The following ST6GAL1 variants were observed in gnomAD, a reference collection of about 807,000 sequenced individuals.
ST6GAL1 encodes beta-galactoside alpha-2,6-sialyltransferase 1.
ST6GAL1 carries 20 observed loss-of-function variants against 38.0 expected under a neutral mutation model. The observed-to-expected ratio is 0.53, with a 90% CI of 0.37 to 0.77. The LOEUF (loss-of-function observed/expected upper bound fraction) is 0.77, where lower values mean the gene tolerates loss of function less well. ST6GAL1 is among the 30% of genes least tolerant of loss of function. ST6GAL1 has a pLI of 0.00. For missense variants in ST6GAL1, 432 were observed against 496.4 expected, an observed-to-expected ratio of 0.87 and a Z score of 1.23; for synonymous variants, 196 against 188.2, an observed-to-expected ratio of 1.04 and a Z score of -0.34.
intron 5 of ST6GAL1, among the ~76,000 whole-genome samples, chr3:187,066,496 A>T (rs766842658): frequency 1.3e-5 from 2 of 152,118 alleles, no homozygotes; most frequent in Non-Finnish European, 2.9e-5. Context: ...TCAACATAGG[A>T]ATTCTGGGGG....
At chr3:186,993,081 G>T (rs1380559354) in intron 2 of ST6GAL1, among the ~76,000 whole-genome samples, 1 of 152,118 alleles carries the variant, frequency 6.6e-6, no homozygotes, top group African/African-American at 2.4e-5. Flanking sequence ...ATAGCTGTGG[G>T]CTGCAACTCT....
In ST6GAL1 at chr3:186,937,966, C is replaced by T. The variant is rs549084158; in HGVS notation, c.-325+7132C>T. ...GCGGGTGCCTATAATCCCAGTTACT[C>T]AGGAGGCTGAGGTGGGAGAATTGCT... On this transcript the variant is annotated intron_variant, in intron 1 of 7. Coordinates refer to ENST00000169298, the MANE Select transcript of ST6GAL1 (RefSeq NM_173216.2). 9.9e-5 allele frequency among the ~76,000 whole-genome samples: 15 copies of T among 152,234 alleles called. No individual in the cohort carries two copies. The South Asian group carries it at 3.1e-3, about 32-fold the overall frequency.
chr3:186,968,525 C>T (rs1165647059), intron 2 of ST6GAL1, among the ~76,000 whole-genome samples: 1 of 152,144 alleles, frequency 6.6e-6, no homozygotes, highest in African/African-American at 2.4e-5. Context: ...CCTTCCTGCC[C>T]CCTTCCATCT....
rs143281845 is a variant in ST6GAL1 at position 187,032,077 on chromosome 3, C to T, written c.-182-6665C>T. Among the ~76,000 whole-genome samples the T allele has an allele frequency of 7.2e-5, 11 of 152,330 alleles. No individual in the cohort carries two copies. In the East Asian group the frequency reaches 2.1e-3, roughly 29 times the overall value. On this transcript the variant is annotated intron_variant, in intron 2 of 7. Transcript: ENST00000169298. ...AGCTGGTTGAAGATCAGTAGTGCTG[C>T]TATCTCATCAGCAGCAGGGACTATT...
chr3:186,963,611 A>G (rs190370778), intron 1 of ST6GAL1, among the ~76,000 whole-genome samples, 174 bp from the exon 2 acceptor site: 8 of 152,358 alleles, frequency 5.3e-5, no homozygotes, highest in Admixed American at 3.3e-4. Context: ...CTCAAATTGT[A>G]CAACCCCAGA....
intron 5 of ST6GAL1, among the ~76,000 whole-genome samples, chr3:187,053,957 T>C (rs1354232348): frequency 6.6e-6 from 1 of 152,126 alleles, no homozygotes; most frequent in African/African-American, 2.4e-5. Context: ...CATTTGTTTG[T>C]GTCCTCTTTT....
chr3:186,996,303 A>G (rs1451827392), intron 2 of ST6GAL1, among the ~76,000 whole-genome samples: 1 of 152,202 alleles, frequency 6.6e-6, no homozygotes, highest in African/African-American at 2.4e-5. Flanking sequence ...TTAACTAGAA[A>G]TAATCCGGAT....
intron 2 of ST6GAL1, among the ~76,000 whole-genome samples, chr3:187,021,444 C>G (rs761831662): frequency 3.3e-5 from 5 of 152,040 alleles, no homozygotes; most frequent in Non-Finnish European, 5.9e-5. Context: ...GTGGGCCTTA[C>G]AACCCTCCCA....
intron 1 of ST6GAL1, among the ~76,000 whole-genome samples, chr3:186,933,712 C>T (rs372645976): frequency 2.6e-5 from 4 of 152,308 alleles, no homozygotes; most frequent in East Asian, 3.9e-4. Context: ...CACAACAATG[C>T]GTGGTCTACT....
chr3:186,949,857 G>A lies in ST6GAL1; in HGVS notation c.-324-13928G>A, dbSNP rs528487282. ...CTATATTCATCCTTTCTGCCTTGTA[G>A]CATTGGTGTGAGTCCTAGAGGTAGT... On this transcript the variant is annotated intron_variant, in intron 1 of 7. Coordinates refer to ENST00000169298, the MANE Select transcript of ST6GAL1 (RefSeq NM_173216.2). Among the ~76,000 whole-genome samples, 5 of 152,360 alleles carry A rather than the reference G, an allele frequency of 3.3e-5. No individual in the cohort carries two copies. The East Asian group carries it at 9.6e-4, about 29-fold the overall frequency.
chr3:186,937,107 T>G (rs539310734), intron 1 of ST6GAL1, among the ~76,000 whole-genome samples: 1 of 152,276 alleles, frequency 6.6e-6, no homozygotes, highest in African/African-American at 2.4e-5. Context: ...GGATATATTT[T>G]TTGTAAATGG....
intron 2 of ST6GAL1, among the ~76,000 whole-genome samples, chr3:186,991,379 T>C (rs943802189): frequency 3.3e-5 from 5 of 152,134 alleles, no homozygotes; most frequent in African/African-American, 9.7e-5. Flanking sequence ...ACATAGAAAC[T>C]GTGAGGGGCG....
At chr3:186,997,743 AGACTCTGTCTC>A (rs1370200748) in intron 2 of ST6GAL1, among the ~76,000 whole-genome samples, 60 of 145,322 alleles carry the variant, frequency 4.1e-4, no homozygotes, top group African/African-American at 1.2e-3. Context: ...GGACAGAGTG[AGACTCTGTCTC>A]AAAAAGAAAA....
In ST6GAL1 at chr3:187,042,995, A is replaced by G; in HGVS notation, c.292A>G (p.Lys98Glu). 1 of 1,614,124 alleles carries G rather than the reference A, an allele frequency of 6.2e-7. No individual in the cohort carries two copies. Among genetic ancestry groups the G allele is most frequent in the Non-Finnish European group, 8.5e-7 (1 of 1,180,016 alleles). Reference sequence around the variant, plus strand: ...AGAGGCCTCCTTCCAGGTGTGGAACAAGGACAGCTCTTCCAAAAACCTTAT... The same window carrying G: ...AGAGGCCTCCTTCCAGGTGTGGAACGAGGACAGCTCTTCCAAAAACCTTAT... ...KPEASFQVWN[K>E]DSSSKNLIPR... Residue 98 changes from lysine to glutamate, a missense_variant, in exon 4 of 8, where the codon AAG (lysine) becomes GAG (glutamate). Transcript: ENST00000169298.
chr3:187,013,024 T>A (rs762176202), intron 2 of ST6GAL1, among the ~76,000 whole-genome samples: 41 of 152,272 alleles, frequency 2.7e-4, no homozygotes, highest in Non-Finnish European at 5.6e-4. Context: ...CAGGGAGAAT[T>A]TAACAATGTT....
intron 5 of ST6GAL1, among the ~76,000 whole-genome samples, chr3:187,055,373 C>T (rs555791035): frequency 9.2e-5 from 14 of 152,008 alleles, no homozygotes; most frequent in Admixed American, 3.3e-4. Flanking sequence ...ACTCTTGCTT[C>T]TCTAGTTCTT....
Position 186,952,023 on chromosome 3 carries a change from G to A in ST6GAL1, c.-324-11762G>A, listed in dbSNP as rs1407639282. 1.3e-5 allele frequency among the ~76,000 whole-genome samples: 2 copies of A among 152,160 alleles called. No individual in the cohort carries two copies. Among genetic ancestry groups the A allele is most frequent in the Non-Finnish European group, 2.9e-5 (2 of 68,038 alleles). The stretch of plus-strand genomic sequence containing the variant: ...GTTGCCTTGCTATAAAGGAAAACCT[G>A]AGACTGAGTAATTTATAAAGAAAAG... On this transcript the variant is annotated intron_variant, in intron 1 of 7. Transcript: ENST00000169298. The surrounding 1 kb of genome is among the most constrained non-coding windows in gnomAD (Gnocchi z 4.1).
At chr3:187,066,287 A>G (rs567192226) in intron 5 of ST6GAL1, among the ~76,000 whole-genome samples, 1 of 152,250 alleles carries the variant, frequency 6.6e-6, no homozygotes, top group East Asian at 1.9e-4. Context: ...GAATCAGAGA[A>G]AGGATGCCTT....
chr3:186,940,698 C>G (rs1295250729), intron 1 of ST6GAL1, among the ~76,000 whole-genome samples: 1 of 151,698 alleles, frequency 6.6e-6, no homozygotes, highest in African/African-American at 2.4e-5. Flanking sequence ...GCCAAAAGAT[C>G]GGACATTCCT....
Sources: gnomAD v4.1 joint callset for allele counts (sites outside exome capture counted in the v4.1 genomes callset) on GRCh38, gnomAD v4.1.1 for gene constraint, Gnocchi (gnomAD v3.1) non-coding constraint, MANE v1.5 for transcripts, NCBI Gene and HGNC (gene_info 2026-07-23, HGNC 2026-07-21) for gene names.